RSPH14: variants seen among roughly 807,000 people sequenced by gnomAD.
RSPH14 encodes rhabdoid tumor deletion region gene 1.
Under a neutral mutation model 26.7 loss-of-function variants are expected in RSPH14, and 20 were observed. That is an observed-to-expected ratio of 0.75 (90% CI 0.53 to 1.09). The LOEUF is 1.09. Ranked by LOEUF, RSPH14 falls within the 50% of genes least tolerant of loss-of-function variation. RSPH14 has a pLI of 0.00. For missense variants in RSPH14, 449 were observed against 457.2 expected, an observed-to-expected ratio of 0.98 and a Z score of 0.16; for synonymous variants, 177 against 189.3, an observed-to-expected ratio of 0.93 and a Z score of 0.53.
intron 4 of RSPH14, among the ~76,000 whole-genome samples, chr22:23,115,525 G>A (rs2069802945): frequency 6.6e-6 from 1 of 152,176 alleles, no homozygotes; most frequent in Admixed American, 6.5e-5. Context: ...GGGGGTCTCG[G>A]GTTGCCCAGA....
chr22:23,099,836 C>T lies in RSPH14; in HGVS notation c.421+34190G>A, dbSNP rs2069242904. On this transcript the variant is annotated intron_variant, in intron 4 of 6. Coordinates refer to ENST00000216036, the MANE Select transcript of RSPH14 (RefSeq NM_014433.3). The stretch of plus-strand genomic sequence containing the variant: ...AGGGACAGACACAGGTGGCTGTGAC[C>T]AGCAGAGCCTGGGTCTTCACTCGGC... Among the ~76,000 whole-genome samples the T allele has an allele frequency of 2.0e-5, 3 of 152,242 alleles. No individual in the cohort carries two copies. The South Asian group carries it at 6.2e-4, about 31-fold the overall frequency.
intron 4 of RSPH14, among the ~76,000 whole-genome samples, chr22:23,100,618 G>A (rs1345891462): frequency 6.6e-6 from 1 of 152,226 alleles, no homozygotes; most frequent in Non-Finnish European, 1.5e-5. Flanking sequence ...CTCCAGGGCA[G>A]GTCAGCAGCC....
chr22:23,164,681 G>C, the RSPH14 span, among the ~76,000 whole-genome samples: 1 of 152,204 alleles, frequency 6.6e-6, no homozygotes, highest in South Asian at 2.1e-4. Context: ...AATGACCACA[G>C]TGACCGCGTC....
At position 23,059,573 on chromosome 22, in the gene RSPH14, G is replaced by A. The variant is rs765979486; in HGVS notation, c.936C>T (p.His312=). The A allele has an allele frequency of 1.5e-5, 24 of 1,614,178 alleles. No individual in the cohort carries two copies. Among genetic ancestry groups the A allele is most frequent in the East Asian group, 2.2e-5 (1 of 44,886 alleles). ...APEGRKALQT[H]VPTFRAMEVE... is the part of the protein sequence containing the mutation. ...CCTCCATGGCACGGAAAGTGGGCAC[G>A]TGCGTCTGCAGGGCCTTGCGGCCCT... is the stretch of plus-strand genomic sequence containing the variant. Residue 312 remains histidine (H), a synonymous_variant, in exon 7 of 7, where the codon CAC becomes CAT. Transcript: ENST00000216036.
At chr22:23,125,410 G>T (rs972076728) in intron 4 of RSPH14, among the ~76,000 whole-genome samples, 2 of 152,184 alleles carry the variant, frequency 1.3e-5, no homozygotes, top group African/African-American at 4.8e-5. Context: ...CAGAGTGGAA[G>T]AGGTGCCCTG....
At chr22:23,134,298 C>T (rs533728716) in intron 3 of RSPH14, among the ~76,000 whole-genome samples, 154 bp from the exon 4 acceptor site, 2 of 152,148 alleles carry the variant, frequency 1.3e-5, no homozygotes, top group South Asian at 2.1e-4. Flanking sequence ...GCTACAGGTG[C>T]GTGATCCATC....
chr22:23,134,636 G>A (rs932385518), intron 3 of RSPH14, among the ~76,000 whole-genome samples: 3 of 151,604 alleles, frequency 2.0e-5, no homozygotes, highest in South Asian at 2.1e-4. Flanking sequence ...AGACCTAGGC[G>A]GATAGATGAC....
intron 5 of RSPH14, among the ~76,000 whole-genome samples, chr22:23,062,220 G>A (rs999444234): frequency 5.9e-5 from 9 of 152,206 alleles, no homozygotes; most frequent in East Asian, 1.9e-4. Flanking sequence ...CATGTTCTCC[G>A]TGGCCCCAAA....
chr22:23,163,606 G>GCCCCCCCCCCCCCCCCC, the RSPH14 span: 17 of 125,214 alleles, frequency 1.4e-4, 1 homozygote, highest in Admixed American at 3.3e-4. Context: ...CAAGGTGAAA[G>GCCCCCCCCCCCCCCCCC]CCCCCCCCCC....
At chr22:23,085,782 G>C (rs1010209150) in intron 4 of RSPH14, among the ~76,000 whole-genome samples, 6 of 152,250 alleles carry the variant, frequency 3.9e-5, no homozygotes, top group African/African-American at 1.4e-4. Context: ...AGTGGGGACA[G>C]AGCAGGGGGC....
At chr22:23,145,082 C>T (rs957775843), upstream of RSPH14, 160 of 501,716 alleles carry the variant, frequency 3.2e-4, 1 homozygote, top group East Asian at 5.1e-3. Context: ...TCTTCTGCAG[C>T]TGCAGGGTGC....
chr22:23,148,890 A>G (rs1042512109), upstream of RSPH14, among the ~76,000 whole-genome samples: 2 of 152,252 alleles, frequency 1.3e-5, no homozygotes, highest in African/African-American at 4.8e-5. Context: ...TCTGCAGGAA[A>G]GTAGACTATC....
At chr22:23,165,507 G>A in the RSPH14 span, among the ~76,000 whole-genome samples, 214 of 152,334 alleles carry the variant, frequency 1.4e-3, no homozygotes, top group Non-Finnish European at 2.6e-3. Flanking sequence ...GAACTGAACA[G>A]GTCTCGGGAA....
At chr22:23,095,744 C>T (rs1188639934) in intron 4 of RSPH14, 7 of 1,612,494 alleles carry the variant, frequency 4.3e-6, no homozygotes, top group East Asian at 2.2e-5. Context: ...CCGGCGGTCC[C>T]GGAGAATTGA....
At chr22:23,154,535 G>A in the RSPH14 span, among the ~76,000 whole-genome samples, 1 of 152,228 alleles carries the variant, frequency 6.6e-6, no homozygotes, top group African/African-American at 2.4e-5. Flanking sequence ...GCTGAGAAGA[G>A]CAAAGGGCCA....
intron 4 of RSPH14, among the ~76,000 whole-genome samples, chr22:23,104,974 G>A (rs564633012): frequency 6.6e-6 from 1 of 152,362 alleles, no homozygotes; most frequent in East Asian, 1.9e-4. Context: ...GCTCCCGTCT[G>A]GATAGTGGAC....
intron 4 of RSPH14, among the ~76,000 whole-genome samples, chr22:23,077,121 A>G (rs2068527352): frequency 6.6e-6 from 1 of 152,208 alleles, no homozygotes. Context: ...CACGGGAGGC[A>G]GGATTTAGAT....
At chr22:23,066,960 C>A (rs2068226223) in intron 4 of RSPH14, among the ~76,000 whole-genome samples, 1 of 152,074 alleles carries the variant, frequency 6.6e-6, no homozygotes, top group African/African-American at 2.4e-5. Context: ...TGTGTGTAGA[C>A]CAGGAATTCC....
At chr22:23,078,777 G>A (rs556565891) in intron 4 of RSPH14, among the ~76,000 whole-genome samples, 1 of 152,198 alleles carries the variant, frequency 6.6e-6, no homozygotes, top group African/African-American at 2.4e-5. Context: ...TGTATGTGGG[G>A]TGGGAGCACA....
Sources: allele counts gnomAD v4.1 joint callset (sites outside exome capture counted in the v4.1 genomes callset), GRCh38; gene constraint gnomAD v4.1.1; transcripts MANE v1.5; gene names NCBI Gene and HGNC (gene_info 2026-07-23, HGNC 2026-07-21).